FUT8: variants seen among roughly 807,000 people sequenced by gnomAD.
FUT8 encodes alpha-(1,6)-fucosyltransferase.
FUT8 carries 29 observed loss-of-function variants against 71.3 expected under a neutral mutation model. The ratio of observed to expected loss-of-function variants is 0.41; its 90% CI spans 0.30 to 0.55. The LOEUF is 0.55. Ranked by LOEUF, FUT8 falls within the 20% of genes least tolerant of loss-of-function variation. The pLI is 0.34. For synonymous variants in FUT8, 254 were observed against 239.3 expected, an observed-to-expected ratio of 1.06 and a Z score of -0.57; for missense variants, 544 against 702.1, an observed-to-expected ratio of 0.77 and a Z score of 2.55.
chr14:65,566,942 G>A (rs181869081), intron 3 of FUT8, among the ~76,000 whole-genome samples: 25 of 152,004 alleles, frequency 1.6e-4, no homozygotes, highest in African/African-American at 5.8e-4. Flanking sequence ...TCCTAGAGTT[G>A]AAATTTACCA....
chr14:65,643,383 G>C lies in FUT8; in HGVS notation c.597+13777G>C, dbSNP rs1441893423. Among the ~76,000 whole-genome samples the C allele has an allele frequency of 6.6e-6, 1 of 152,178 alleles. No homozygotes were observed. The highest frequency in any genetic ancestry group is 1.5e-5 in the Non-Finnish European group (1 of 68,036). On this transcript the variant is annotated intron_variant, in intron 6 of 10. Coordinates refer to ENST00000673929, the MANE Select transcript of FUT8 (RefSeq NM_001371533.1). The surrounding 1 kb of genome is among the most constrained non-coding windows in gnomAD (Gnocchi z 4.5). ...AAATTGACAGATTCTGGCCCAGCGT[G>C]GTGGCTCACGCCTGTAATCCCAGCA...
chr14:65,452,341 T>C (rs1594644722), intron 1 of FUT8, among the ~76,000 whole-genome samples: 3 of 152,118 alleles, frequency 2.0e-5, no homozygotes, highest in Admixed American at 1.3e-4. Context: ...GACGAAATAA[T>C]GAAACCACAG....
chr14:65,740,666 A>G (rs1029374846), intron 10 of FUT8, among the ~76,000 whole-genome samples: 3 of 151,918 alleles, frequency 2.0e-5, no homozygotes, highest in African/African-American at 4.8e-5. Context: ...GAGCAGGAGG[A>G]AGAGAATTGG....
chr14:65,523,505 T>C (rs1883227500), intron 2 of FUT8, among the ~76,000 whole-genome samples: 1 of 152,204 alleles, frequency 6.6e-6, no homozygotes, highest in Non-Finnish European at 1.5e-5. Flanking sequence ...TTGCAAAAAT[T>C]TTCTCCCATT....
the FUT8 span, among the ~76,000 whole-genome samples, chr14:65,366,835 G>A: frequency 6.6e-6 from 1 of 152,172 alleles, no homozygotes; most frequent in Non-Finnish European, 1.5e-5. Flanking sequence ...ACCCTCAGGA[G>A]AAGTGGCAAA....
At chr14:65,408,840 A>C (rs2065097353), upstream of FUT8, among the ~76,000 whole-genome samples, 2 of 152,228 alleles carry the variant, frequency 1.3e-5, no homozygotes, top group South Asian at 4.1e-4. Context: ...GACTTAAAAC[A>C]CATTGAATTT....
intron 3 of FUT8, among the ~76,000 whole-genome samples, chr14:65,612,308 A>G (rs1889042675): frequency 6.6e-6 from 1 of 152,152 alleles, no homozygotes; most frequent in African/African-American, 2.4e-5. Flanking sequence ...GACCTAAGCA[A>G]TGTTTGGTCT....
At chr14:65,573,848 A>T (rs1424121498) in intron 3 of FUT8, among the ~76,000 whole-genome samples, 2 of 151,990 alleles carry the variant, frequency 1.3e-5, no homozygotes, top group African/African-American at 4.8e-5. Flanking sequence ...CTGATTGTTT[A>T]TATCTTGTCT....
intron 2 of FUT8, among the ~76,000 whole-genome samples, chr14:65,473,118 T>C (rs1481493232): frequency 1.3e-5 from 2 of 152,176 alleles, no homozygotes; most frequent in Non-Finnish European, 2.9e-5. Flanking sequence ...TACAAAGTTA[T>C]AATAATAATT....
In FUT8 at chr14:65,550,395, A is replaced by G. The variant is rs1421972136; in HGVS notation, c.-227-10942A>G. On this transcript the variant is annotated intron_variant, in intron 2 of 10. Transcript: ENST00000673929. This position sits in a 1 kb window ranked among gnomAD's most constrained non-coding sequence, Gnocchi z 4.5. ...GTGCCCAGAACACTTATATTAGCCTACAGTTGGACAAAATCATTTAACACA... is the reference window on the plus strand; with the variant it reads ...GTGCCCAGAACACTTATATTAGCCTGCAGTTGGACAAAATCATTTAACACA... 6.6e-6 allele frequency among the ~76,000 whole-genome samples: 1 copy of G among 152,208 alleles called. No individual in the cohort carries two copies. Among genetic ancestry groups the G allele is most frequent in the Non-Finnish European group, 1.5e-5 (1 of 68,036 alleles).
Position 65,513,421 on chromosome 14 carries a change from C to G in FUT8, c.-227-47916C>G, listed in dbSNP as rs940153777. 2.0e-5 allele frequency among the ~76,000 whole-genome samples: 3 copies of G among 152,298 alleles called. No homozygotes were observed. The East Asian group carries it at 5.8e-4, about 29-fold the overall frequency. ...TATCCAGCTGCCTGGGAGCTTTCCT[C>G]TAAAGACCTTTAAGCATTGGAAAGT... is the stretch of plus-strand genomic sequence containing the variant. On this transcript the variant is annotated intron_variant, in intron 2 of 10. Coordinates refer to ENST00000673929, the MANE Select transcript of FUT8 (RefSeq NM_001371533.1).
At chr14:65,492,277 C>G (rs1248077488) in intron 2 of FUT8, among the ~76,000 whole-genome samples, 1 of 152,140 alleles carries the variant, frequency 6.6e-6, no homozygotes, top group East Asian at 1.9e-4. Flanking sequence ...CTTCTTACTT[C>G]AGTTTAGCCT....
At chr14:65,515,496 A>G (rs1407004561) in intron 2 of FUT8, among the ~76,000 whole-genome samples, 2 of 151,908 alleles carry the variant, frequency 1.3e-5, no homozygotes, top group Non-Finnish European at 2.9e-5. Context: ...TCAGATTTTA[A>G]TAAGATTTCA....
At chr14:65,491,621 A>G (rs2066483295) in intron 2 of FUT8, among the ~76,000 whole-genome samples, 1 of 152,178 alleles carries the variant, frequency 6.6e-6, no homozygotes, top group Non-Finnish European at 1.5e-5. Flanking sequence ...AAATCACATA[A>G]TTTTTAAAGC....
intron 6 of FUT8, among the ~76,000 whole-genome samples, chr14:65,639,578 T>C (rs917085275): frequency 2.6e-5 from 4 of 152,118 alleles, no homozygotes; most frequent in African/African-American, 7.2e-5. Context: ...TTGATAGTTA[T>C]ATTTCTGATA....
intron 2 of FUT8, among the ~76,000 whole-genome samples, chr14:65,548,760 G>A (rs1171640618): frequency 6.6e-6 from 1 of 151,962 alleles, no homozygotes; most frequent in Non-Finnish European, 1.5e-5. Context: ...ATTTTGCTGT[G>A]TGCAAGATAC....
intron 7 of FUT8, among the ~76,000 whole-genome samples, chr14:65,715,262 GT>G (rs1224310752): frequency 6.6e-6 from 1 of 152,164 alleles, no homozygotes; most frequent in East Asian, 1.9e-4. Context: ...TTTATACTCA[GT>G]TTTTTAAGGG....
At chr14:65,370,889 C>A in the FUT8 span, among the ~76,000 whole-genome samples, 1 of 152,022 alleles carries the variant, frequency 6.6e-6, no homozygotes, top group Admixed American at 6.6e-5. Context: ...ATTTGAACAA[C>A]GAACAATATG....
In FUT8 at chr14:65,648,472, G is replaced by A. The variant is rs117088664; in HGVS notation, c.597+18866G>A. On this transcript the variant is annotated intron_variant, in intron 6 of 10. Coordinates refer to ENST00000673929, the MANE Select transcript of FUT8 (RefSeq NM_001371533.1). ...AGGCTAAGGATTTTTACTCGTTAGA[G>A]CAACAGGACTAGACATCAGGAGTTA... Among the ~76,000 whole-genome samples the A allele has an allele frequency of 3.1e-4, 47 of 152,256 alleles. No homozygotes were observed. In the East Asian group the frequency reaches 8.5e-3, roughly 28 times the overall value.
Sources: allele counts gnomAD v4.1 joint callset (sites outside exome capture counted in the v4.1 genomes callset), GRCh38; gene constraint gnomAD v4.1.1; non-coding constraint Gnocchi (gnomAD v3.1); transcripts MANE v1.5; gene names NCBI Gene and HGNC (gene_info 2026-07-23, HGNC 2026-07-21).